CDH13: variants seen among roughly 807,000 people sequenced by gnomAD.
CDH13 encodes the protein cadherin 13.
Under a neutral mutation model 63.8 loss-of-function variants are expected in CDH13, and 24 were observed. That is an observed-to-expected ratio of 0.38 (90% CI 0.27 to 0.53). The LOEUF is 0.53. CDH13 is among the 20% of genes least tolerant of loss of function. The probability of loss-of-function intolerance (pLI) is 0.85; values close to 1 mark genes in which losing one functional copy is unlikely to be tolerated. For missense variants in CDH13, 1,049 were observed against 903.1 expected (o/e 1.16, Z -2.07); for synonymous variants, 503 against 355.3 (o/e 1.42, Z -4.67).
intron 7 of CDH13, among the ~76,000 whole-genome samples, chr16:83,567,342 A>T (rs536626305): frequency 6.6e-6 from 1 of 152,220 alleles, no homozygotes; most frequent in Non-Finnish European, 1.5e-5. Flanking sequence ...CACACAGACT[A>T]GAGATAAATC....
intron 4 of CDH13, among the ~76,000 whole-genome samples, chr16:83,176,577 C>T (rs894505658): frequency 2.7e-5 from 4 of 145,686 alleles, no homozygotes; most frequent in East Asian, 2.0e-4. Context: ...TTTAGTGGAA[C>T]ATTTAGTGGG....
chr16:82,881,355 G>T (rs1191099634), intron 2 of CDH13, among the ~76,000 whole-genome samples: 1 of 152,092 alleles, frequency 6.6e-6, no homozygotes, highest in Non-Finnish European at 1.5e-5. Context: ...CTGTGGGAGG[G>T]AGGGGAAGAA....
At chr16:83,547,871 C>T (rs1342540476) in intron 7 of CDH13, among the ~76,000 whole-genome samples, 1 of 152,112 alleles carries the variant, frequency 6.6e-6, no homozygotes, top group East Asian at 1.9e-4. Context: ...CTGTGGCCTG[C>T]AGAAGCTATC....
At chr16:83,751,874 G>A (rs577216333) in intron 11 of CDH13, among the ~76,000 whole-genome samples, 44 of 152,290 alleles carry the variant, frequency 2.9e-4, no homozygotes, top group African/African-American at 8.9e-4. Context: ...TCTTGTTTTC[G>A]GAGGGTGGGT....
At position 83,798,156 on chromosome 16, in the gene CDH13, A is replaced by C. The variant is rs1003205985; in HGVS notation, c.*3126A>C. The stretch of plus-strand genomic sequence containing the variant: ...AATGTCATTTAAAACAGTCTGATAA[A>C]TGGAACAACCATCTACCATCACACT... On this transcript the variant is annotated 3_prime_UTR_variant, in exon 14 of 14. Coordinates refer to ENST00000567109, the MANE Select transcript of CDH13 (RefSeq NM_001257.5). 44 of 152,246 alleles carry C rather than the reference A, an allele frequency of 2.9e-4. No individual in the cohort carries two copies. Among genetic ancestry groups the C allele is most frequent in the African/African-American group, 1.0e-3 (43 of 41,466 alleles). The allele number at this position is 152,246 out of a possible 1,614,324, so 9.4% of individuals were successfully genotyped here.
In CDH13 at chr16:82,833,201, C is replaced by T. The variant is rs117370236; in HGVS notation, c.46-25161C>T. Reference sequence around the variant, plus strand: ...AAATGTTTCGGATATTCAGGGTTTTCTGATTTCAAATGTGTTCATACCATG... The same window carrying T: ...AAATGTTTCGGATATTCAGGGTTTTTTGATTTCAAATGTGTTCATACCATG... On this transcript the variant is annotated intron_variant, in intron 1 of 13. Coordinates refer to ENST00000567109, the MANE Select transcript of CDH13 (RefSeq NM_001257.5). Among the ~76,000 whole-genome samples the T allele has an allele frequency of 7.7e-4, 117 of 152,300 alleles. No individual in the cohort carries two copies. The East Asian group carries it at 0.021, about 27-fold the overall frequency.
chr16:82,999,228 G>A (rs1912592918), intron 2 of CDH13, among the ~76,000 whole-genome samples: 1 of 152,094 alleles, frequency 6.6e-6, no homozygotes, highest in African/African-American at 2.4e-5. Context: ...ACTCCTTAAT[G>A]TTACTAGCAT....
intron 5 of CDH13, among the ~76,000 whole-genome samples, chr16:83,237,379 GATCGT>G (rs1327472267): frequency 2.6e-5 from 4 of 152,328 alleles, no homozygotes; most frequent in African/African-American, 9.6e-5. Flanking sequence ...TTGTGTAAAG[GATCGT>G]ACCTTACATC....
chr16:83,475,954 A>G (rs933248529), intron 6 of CDH13, among the ~76,000 whole-genome samples: 60 of 152,196 alleles, frequency 3.9e-4, no homozygotes, highest in African/African-American at 1.4e-3. Flanking sequence ...GATAGCGACA[A>G]TAAGCCCATT....
At chr16:82,789,974 G>C (rs78453833) in intron 1 of CDH13, among the ~76,000 whole-genome samples, 5,461 of 152,204 alleles carry the variant, frequency 0.036, 123 homozygotes, top group Non-Finnish European at 0.054. Flanking sequence ...CCCCATCTCT[G>C]TCTATTGGCG....
At chr16:83,149,295 CACATTTAT>C (rs1289587943) in intron 4 of CDH13, among the ~76,000 whole-genome samples, 1 of 152,166 alleles carries the variant, frequency 6.6e-6, no homozygotes, top group African/African-American at 2.4e-5. Flanking sequence ...GCAGAGAATA[CACATTTAT>C]ACTCATTTGA....
At chr16:82,743,906 A>G (rs1397963912) in intron 1 of CDH13, among the ~76,000 whole-genome samples, 1 of 152,202 alleles carries the variant, frequency 6.6e-6, no homozygotes, top group Non-Finnish European at 1.5e-5. Context: ...GAAATTTTGA[A>G]ATTGTTATAG....
chr16:83,378,946 C>G (rs1357049989), intron 6 of CDH13, among the ~76,000 whole-genome samples: 1 of 151,718 alleles, frequency 6.6e-6, no homozygotes, highest in Non-Finnish European at 1.5e-5. Flanking sequence ...ATAATTATTT[C>G]CAAGATAGGT....
chr16:83,353,291 C>T (rs2090993036), intron 6 of CDH13, among the ~76,000 whole-genome samples: 1 of 152,244 alleles, frequency 6.6e-6, no homozygotes, highest in Admixed American at 6.5e-5. Flanking sequence ...GGTGATATCT[C>T]ACACCGGCTC....
intron 3 of CDH13, among the ~76,000 whole-genome samples, chr16:83,080,985 G>A (rs1302633512): frequency 1.5e-5 from 2 of 137,206 alleles, no homozygotes; most frequent in African/African-American, 2.7e-5. Context: ...AGGTTCAAAC[G>A]ATTCCCCTGC....
intron 6 of CDH13, among the ~76,000 whole-genome samples, chr16:83,351,058 T>A (rs1196313726): frequency 1.3e-5 from 2 of 152,218 alleles, no homozygotes; most frequent in African/African-American, 2.4e-5. Context: ...ATTTGACACC[T>A]AGCTCAGCCG....
intron 4 of CDH13, among the ~76,000 whole-genome samples, chr16:83,137,781 G>A (rs1365692851): frequency 6.6e-6 from 1 of 152,138 alleles, no homozygotes; most frequent in Non-Finnish European, 1.5e-5. Context: ...TCCAATTACT[G>A]GTCCAATTAC....
At chr16:83,073,999 C>G (rs2032641194) in intron 3 of CDH13, among the ~76,000 whole-genome samples, 1 of 152,090 alleles carries the variant, frequency 6.6e-6, no homozygotes, top group Non-Finnish European at 1.5e-5. Context: ...GAGAACATTT[C>G]TAGTCCTCCC....
intron 3 of CDH13, among the ~76,000 whole-genome samples, chr16:83,107,698 C>A (rs1006185416): frequency 2.0e-5 from 3 of 149,684 alleles, no homozygotes; most frequent in African/African-American, 7.4e-5. Context: ...TGTATTGATT[C>A]TGGAGCATTT....
Sources: gnomAD v4.1 joint callset for allele counts (sites outside exome capture counted in the v4.1 genomes callset) on GRCh38, gnomAD v4.1.1 for gene constraint, MANE v1.5 for transcripts, NCBI Gene and HGNC (gene_info 2026-07-23, HGNC 2026-07-21) for gene names.